MYZAP: variants seen among roughly 807,000 people sequenced by gnomAD.
MYZAP encodes GRINL1A complex locus upstream.
A neutral mutation model predicts 69.4 loss-of-function variants in MYZAP; 66 were observed. The ratio of observed to expected loss-of-function variants is 0.95; its 90% confidence interval spans 0.78 to 1.17. The LOEUF (loss-of-function observed/expected upper bound fraction) is 1.17, where lower values mean the gene tolerates loss of function less well. Ranked by LOEUF, MYZAP falls within the 50% of genes most tolerant of loss-of-function variation. MYZAP has a pLI of 0.00. For synonymous variants in MYZAP, 256 were observed against 205.9 expected (o/e 1.24, Z -2.09); for missense variants, 611 against 556.2 (o/e 1.10, Z -0.99).
chr15:57,666,680 G>A (rs1595928639), intron 11 of MYZAP, among the ~76,000 whole-genome samples: 1 of 152,058 alleles, frequency 6.6e-6, no homozygotes, highest in South Asian at 2.1e-4. Flanking sequence ...GCGGGAAAGA[G>A]GGAGGGGGAA....
chr15:57,673,268 T>C (rs1301817453), intron 11 of MYZAP, among the ~76,000 whole-genome samples: 3 of 152,190 alleles, frequency 2.0e-5, no homozygotes, highest in African/African-American at 7.2e-5. Context: ...AGACCCAGCA[T>C]GCTGTGAAAT....
intron 11 of MYZAP, among the ~76,000 whole-genome samples, chr15:57,663,025 ATTTCTG>A (rs1181610903): frequency 6.6e-6 from 1 of 152,146 alleles, no homozygotes; most frequent in Non-Finnish European, 1.5e-5. Flanking sequence ...GTGAATGAAC[ATTTCTG>A]TTTCTAAGAT....
chr15:57,632,969 T>TCTCTTCCAGTCATGGAGC (rs2036596842), intron 7 of MYZAP, among the ~76,000 whole-genome samples: 1 of 151,992 alleles, frequency 6.6e-6, no homozygotes, highest in Non-Finnish European at 1.5e-5. Context: ...ATGCCTGGAG[T>TCTCTTCCAGTCATGGAGC]CTCTTCCAGT....
Position 57,593,212 on chromosome 15 carries a change from A to ACACACT in MYZAP, c.75+1106_75+1107insACTCAC, listed in dbSNP as rs770540454. ...CGCACACACACACACACACACACAC[A>ACACACT]CACCCCAGAATCCATCAGTTGGCTC... On this transcript the variant is annotated intron_variant, in intron 1 of 12. Transcript: ENST00000267853. Among the ~76,000 whole-genome samples, 123 of 124,986 alleles carry ACACACT rather than the reference A, an allele frequency of 9.8e-4. 1 individual carries two copies. The highest frequency in any genetic ancestry group is 3.1e-3 in the Admixed American group (39 of 12,528). 82.0% of individuals were successfully genotyped at this position (124,986 alleles called of 152,430 possible). A position where few individuals can be genotyped will look rare whatever the true frequency, so the allele number is the denominator to read the frequency against.
rs770540454 is a variant in MYZAP, at chr15:57,593,212, A to ACACACACACACACACACT, written c.75+1106_75+1107insACACACACACACACTCAC. On this transcript the variant is annotated intron_variant, in intron 1 of 12. Transcript: ENST00000267853. ...CGCACACACACACACACACACACACACACCCCAGAATCCATCAGTTGGCTC... is the reference window on the plus strand; with the variant it reads ...CGCACACACACACACACACACACACACACACACACACACACACTCACCCCAGAATCCATCAGTTGGCTC... Among the ~76,000 whole-genome samples, 151 of 124,986 alleles carry ACACACACACACACACACT rather than the reference A, an allele frequency of 1.2e-3. 1 individual carries two copies. Among genetic ancestry groups the ACACACACACACACACACT allele is most frequent in the South Asian group, 3.3e-3 (13 of 3,944 alleles). 82.0% of individuals were successfully genotyped at this position (124,986 alleles called of 152,430 possible).
intron 2 of MYZAP, among the ~76,000 whole-genome samples, chr15:57,609,573 G>C (rs2034978234): frequency 6.6e-6 from 1 of 152,106 alleles, no homozygotes; most frequent in Admixed American, 6.5e-5. Context: ...TAATTCCTAG[G>C]TACTGGAGGT....
intron 4 of MYZAP, among the ~76,000 whole-genome samples, chr15:57,621,995 CAA>C (rs1268649551): frequency 6.6e-6 from 1 of 151,970 alleles, no homozygotes; most frequent in Non-Finnish European, 1.5e-5. Flanking sequence ...ACTGGCCAAA[CAA>C]GAGAAATAAA....
intron 11 of MYZAP, among the ~76,000 whole-genome samples, chr15:57,672,030 C>T (rs1331897781): frequency 6.6e-6 from 1 of 152,180 alleles, no homozygotes; most frequent in Non-Finnish European, 1.5e-5. Context: ...TCCTGCCTGT[C>T]TGTGATGCTG....
chr15:57,629,960 T>A, intron 6 of MYZAP, 106 bp downstream of exon 6: 1 of 1,293,026 alleles, frequency 7.7e-7, no homozygotes, highest in Non-Finnish European at 1.0e-6. Flanking sequence ...CTCCATTCTC[T>A]TCTTCATTGG....
intron 7 of MYZAP, 85 bp downstream of exon 7, chr15:57,632,644 T>G: frequency 6.4e-7 from 1 of 1,559,252 alleles, no homozygotes; most frequent in South Asian, 1.2e-5. Context: ...TAGTGTTTAT[T>G]CTTAGAGGTG....
intron 10 of MYZAP, among the ~76,000 whole-genome samples, chr15:57,649,602 A>G (rs1376816307): frequency 6.6e-6 from 1 of 152,114 alleles, no homozygotes; most frequent in Non-Finnish European, 1.5e-5. Flanking sequence ...ATCAATATTA[A>G]TCATTTATCG....
chr15:57,615,378 G>A (rs1432701691), intron 2 of MYZAP, among the ~76,000 whole-genome samples: 1 of 152,068 alleles, frequency 6.6e-6, no homozygotes, highest in Non-Finnish European at 1.5e-5. Context: ...TTTGAGACCT[G>A]GGCCACTCGG....
intron 10 of MYZAP, among the ~76,000 whole-genome samples, chr15:57,658,190 G>T: frequency 6.6e-6 from 1 of 152,126 alleles, no homozygotes; most frequent in East Asian, 1.9e-4. Context: ...CAAATAGCAA[G>T]ATTTGGCCAT....
intron 10 of MYZAP, chr15:57,647,543 G>C (rs1211144900): frequency 1.0e-6 from 1 of 985,332 alleles, no homozygotes; most frequent in Admixed American, 6.1e-5. Context: ...AGAGAAAACA[G>C]GTCACCCATG....
intron 1 of MYZAP, among the ~76,000 whole-genome samples, chr15:57,602,695 A>G (rs1345274353): frequency 6.6e-6 from 1 of 152,184 alleles, no homozygotes; most frequent in African/African-American, 2.4e-5. Flanking sequence ...AAGAGCTAAG[A>G]AAGTAAGCCC....
At chr15:57,661,691 C>G (rs994893819) in intron 11 of MYZAP, among the ~76,000 whole-genome samples, 158 bp downstream of exon 11, 1 of 152,064 alleles carries the variant, frequency 6.6e-6, no homozygotes, top group African/African-American at 2.4e-5. Context: ...GTTCTGACAG[C>G]TGTTTTTCCT....
At chr15:57,648,416 C>A (rs2037558355) in intron 10 of MYZAP, 1 of 985,282 alleles carries the variant, frequency 1.0e-6, no homozygotes, top group African/African-American at 1.7e-5. Flanking sequence ...CTATGTGAGG[C>A]TGAGTAATTC....
At position 57,598,085 on chromosome 15, in the gene MYZAP, A is replaced by T. The variant is rs1666575; in HGVS notation, c.75+5976A>T. Among the ~76,000 whole-genome samples the T allele has an allele frequency of 5.1e-3, 778 of 151,802 alleles. 6 individuals carry two copies. Among genetic ancestry groups the T allele is most frequent in the African/African-American group, 0.018 (732 of 41,360 alleles). On this transcript the variant is annotated intron_variant, in intron 1 of 12. Transcript: ENST00000267853. ...GTCACCTCCCTGAATCATCTTCTCCACTCCCTTTTTATTTGAGATAGATAT... is the reference window on the plus strand; with the variant it reads ...GTCACCTCCCTGAATCATCTTCTCCTCTCCCTTTTTATTTGAGATAGATAT...
chr15:57,664,476 C>T (rs114377564), intron 11 of MYZAP, among the ~76,000 whole-genome samples: 3,235 of 152,274 alleles, frequency 0.021, 128 homozygotes, highest in African/African-American at 0.074. Context: ...ACTCTGCCGA[C>T]GCTGTTCCTT....
Sources: gnomAD v4.1 joint callset for allele counts (sites outside exome capture counted in the v4.1 genomes callset) on GRCh38, gnomAD v4.1.1 for gene constraint, MANE v1.5 for transcripts, NCBI Gene and HGNC (gene_info 2026-07-23, HGNC 2026-07-21) for gene names.